TATDN2: variants seen among roughly 807,000 people sequenced by gnomAD.
The protein encoded by TATDN2 is TatD DNase domain containing 2, also known as 3'-5' RNA nuclease TATDN2.
In TATDN2, 44 loss-of-function variants were observed where a neutral mutation model predicts 60.3. That is an observed-to-expected ratio of 0.73 (90% CI 0.57 to 0.94). The LOEUF (loss-of-function observed/expected upper bound fraction) is 0.94. Among genes scored for constraint, TATDN2 ranks in the 40% least tolerant of loss-of-function variants. The pLI, the probability that TATDN2 is intolerant of heterozygous loss-of-function variation, is 0.00. For synonymous variants in TATDN2, 399 were observed against 355.8 expected (o/e 1.12, Z -1.37); for missense variants, 997 against 948.0 (o/e 1.05, Z -0.68).
Position 10,278,674 on chromosome 3 carries a change from GCCC to G in TATDN2, c.2146-210_2146-208del. On this transcript the variant is annotated intron_variant, in intron 6 of 7. Coordinates refer to ENST00000448281, the MANE Select transcript of TATDN2 (RefSeq NM_014760.4). The surrounding 1 kb of genome is among the most constrained non-coding windows in gnomAD (Gnocchi z 4.7). ...ACCACTCTCTTCCAGGCAGTGCAAA[GCCC>G]TACCCTGTAGAGGGTAGTCCAAGGA... The G allele has an allele frequency of 1.0e-6, 1 of 979,522 alleles. No homozygotes were observed. The highest frequency in any genetic ancestry group is 1.6e-6 in the Non-Finnish European group (1 of 636,880). 60.7% of individuals were successfully genotyped at this position (979,522 alleles called of 1,614,324 possible). A position where few individuals can be genotyped will look rare whatever the true frequency, so the allele number is the denominator to read the frequency against.
At chr3:10,258,769 C>T (rs1698354906) in intron 2 of TATDN2, among the ~76,000 whole-genome samples, 2 of 151,864 alleles carry the variant, frequency 1.3e-5, no homozygotes, top group South Asian at 2.1e-4. Flanking sequence ...TGCTCCCAGC[C>T]GAGCCTAAGT....
chr3:10,267,907 CAG>C (rs1220619505), intron 3 of TATDN2, among the ~76,000 whole-genome samples: 1 of 152,056 alleles, frequency 6.6e-6, no homozygotes, highest in Non-Finnish European at 1.5e-5. Context: ...AAAAACAAAA[CAG>C]AACACAAAAG....
At chr3:10,271,065 TG>T in intron 4 of TATDN2, 50 bp downstream of exon 4, 1 of 1,499,554 alleles carries the variant, frequency 6.7e-7, no homozygotes. Flanking sequence ...TTCTTTTAGT[TG>T]TTGAAGCCTG....
At chr3:10,262,527 CTTTTT>C (rs60747520) in intron 3 of TATDN2, among the ~76,000 whole-genome samples, 1 of 59,976 alleles carries the variant, frequency 1.7e-5, no homozygotes, top group African/African-American at 7.3e-5. Flanking sequence ...TTCTTCTGGG[CTTTTT>C]TTTTTTTTTT....
chr3:10,255,797 C>G (rs1698299331), intron 2 of TATDN2, among the ~76,000 whole-genome samples: 1 of 152,144 alleles, frequency 6.6e-6, no homozygotes. Context: ...CGAAATGTAG[C>G]TGGGTGTGGT....
rs1698388131 is a variant in TATDN2 at position 10,260,626 on chromosome 3, C to G, written c.904C>G (p.Leu302Val). The change falls in exon 3 of 8, where the codon CTA (leucine) becomes GTA (valine). Residue 302 changes from leucine (L) to valine (V), a missense_variant. By Grantham distance (32) the Leu-to-Val change is conservative. Coordinates refer to ENST00000448281, the MANE Select transcript of TATDN2 (RefSeq NM_014760.4). ...TGTCATTGACAAATGCTCTCCACCC[C>G]TAGAGTTCTTGGATGACTCTGACTC... ...RTVIDKCSPP[L>V]EFLDDSDSHL... 6.2e-7 allele frequency: 1 copy of G among 1,614,040 alleles called. No homozygotes were observed. Among genetic ancestry groups the G allele is most frequent in the African/African-American group, 1.3e-5 (1 of 74,936 alleles).
At chr3:10,273,580 A>G (rs931859384) in intron 4 of TATDN2, among the ~76,000 whole-genome samples, 3 of 142,390 alleles carry the variant, frequency 2.1e-5, no homozygotes, top group South Asian at 5.1e-4. Flanking sequence ...ACATAGTGAG[A>G]CCCCATCTTT....
chr3:10,268,647 A>C (rs1698513338), intron 3 of TATDN2, among the ~76,000 whole-genome samples: 1 of 152,216 alleles, frequency 6.6e-6, no homozygotes, highest in South Asian at 2.1e-4. Context: ...TTGAATCACA[A>C]TATCTCAGGG....
chr3:10,275,661 G>A (rs1425216777), intron 4 of TATDN2, among the ~76,000 whole-genome samples: 2 of 152,082 alleles, frequency 1.3e-5, no homozygotes, highest in African/African-American at 4.8e-5. Context: ...CAGGAGAATC[G>A]CTTGAACCCA....
Position 10,260,543 on chromosome 3 carries a change from G to A in TATDN2, c.821G>A (p.Arg274Lys). The change falls in exon 3 of 8, where the codon AGA (arginine) becomes AAA (lysine). Residue 274 changes from arginine to lysine, a missense_variant. By Grantham distance (26) the Arg-to-Lys change is conservative. Transcript: ENST00000448281. ...VPERSSFYDRRVVIDPQEKPS... is the reference protein window; with the variant it reads ...VPERSSFYDRKVVIDPQEKPS... Reference sequence around the variant, plus strand: ...GAGAGGAGCAGCTTCTATGACAGGAGAGTAGTTATAGACCCTCAAGAGAAA... The same window carrying A: ...GAGAGGAGCAGCTTCTATGACAGGAAAGTAGTTATAGACCCTCAAGAGAAA... 1 of 1,614,178 alleles carries A rather than the reference G, an allele frequency of 6.2e-7. No individual in the cohort carries two copies. Among genetic ancestry groups the A allele is most frequent in the Non-Finnish European group, 8.5e-7 (1 of 1,180,034 alleles).
intron 2 of TATDN2, among the ~76,000 whole-genome samples, chr3:10,252,168 A>AT (rs1402034261): frequency 0.013 from 1,771 of 136,166 alleles, 20 homozygotes; most frequent in Non-Finnish European, 0.02. Flanking sequence ...AAAAAAAAAA[A>AT]TTTTTTTTTT....
intron 3 of TATDN2, among the ~76,000 whole-genome samples, chr3:10,265,819 G>C (rs1274301804): frequency 6.6e-6 from 1 of 152,066 alleles, no homozygotes; most frequent in Non-Finnish European, 1.5e-5. Context: ...TCCTTTGCTG[G>C]GTGGGGAAAG....
Position 10,279,063 on chromosome 3 carries a change from G to A in TATDN2, c.*38G>A, listed in dbSNP as rs370643395. On this transcript the variant is annotated splice_region_variant and 3_prime_UTR_variant, in exon 7 of 8. Transcript: ENST00000448281. ...CAGTCCTCGGGAGTCTCCTAGAAAAGGTCGTAAAACTCACATTCTGTATTT... is the reference window on the plus strand; with the variant it reads ...CAGTCCTCGGGAGTCTCCTAGAAAAAGTCGTAAAACTCACATTCTGTATTT... 12 of 1,595,640 alleles carry A rather than the reference G, an allele frequency of 7.5e-6. No homozygotes were observed. The African/African-American group carries it at 1.4e-4, about 18-fold the overall frequency.
chr3:10,254,872 T>A (rs1368291176), intron 2 of TATDN2, among the ~76,000 whole-genome samples: 1 of 152,196 alleles, frequency 6.6e-6, no homozygotes, highest in East Asian at 1.9e-4. Context: ...GTCTACCTAC[T>A]TCTTACCTTT....
rs563776903 is a variant in TATDN2, at chr3:10,249,470, C to T, written c.270C>T (p.Gly90=). The change falls in exon 2 of 8, where the codon GGC becomes GGT. Residue 90 remains glycine, a synonymous_variant. Coordinates refer to ENST00000448281, the MANE Select transcript of TATDN2 (RefSeq NM_014760.4). ...CCTCCTTCTCCCCACATTTCTTGGGCCCTGGTGTGGGCGGGGCCGCCTCCA... is the reference window on the plus strand; with the variant it reads ...CCTCCTTCTCCCCACATTTCTTGGGTCCTGGTGTGGGCGGGGCCGCCTCCA... ...SSSSFSPHFL[G]PGVGGAASKG... is the part of the protein sequence containing the mutation. 7 of 1,613,896 alleles carry T rather than the reference C, an allele frequency of 4.3e-6. 1 individual carries two copies. In the East Asian group the frequency reaches 1.3e-4, roughly 31 times the overall value.
chr3:10,257,841 ATTTTTTTTTT>A (rs553265148), intron 2 of TATDN2, among the ~76,000 whole-genome samples: 43 of 30,296 alleles, frequency 1.4e-3, no homozygotes, highest in South Asian at 2.1e-3. Flanking sequence ...AAGGTTTATG[ATTTTTTTTTT>A]TTTTTTTTTT....
chr3:10,263,840 CTT>C (rs1698441004), intron 3 of TATDN2, among the ~76,000 whole-genome samples: 1 of 152,300 alleles, frequency 6.6e-6, no homozygotes, highest in African/African-American at 2.4e-5. Flanking sequence ...AGCGTAAAGA[CTT>C]TGAGCTTTGC....
intron 2 of TATDN2, among the ~76,000 whole-genome samples, chr3:10,249,815 A>AT (rs1698194675): frequency 6.6e-6 from 1 of 152,140 alleles, no homozygotes. Flanking sequence ...TAGAGAGGTA[A>AT]TTTTCAAACT....
chr3:10,269,402 G>A (rs892885979), intron 3 of TATDN2, among the ~76,000 whole-genome samples: 8 of 152,180 alleles, frequency 5.3e-5, no homozygotes, highest in African/African-American at 1.9e-4. Context: ...AATAATTCGG[G>A]GACACGTTTA....
Sources: gnomAD v4.1 joint callset for allele counts (sites outside exome capture counted in the v4.1 genomes callset) on GRCh38, gnomAD v4.1.1 for gene constraint, Gnocchi (gnomAD v3.1) non-coding constraint, MANE v1.5 for transcripts, NCBI Gene and HGNC (gene_info 2026-07-23, HGNC 2026-07-21) for gene names.